The following KIF21A variants were observed in gnomAD, a reference collection of about 807,000 sequenced individuals.
KIF21A encodes the protein kinesin family member 21A, also known as kinesin-like protein KIF21A.
Under a neutral mutation model 202.9 loss-of-function variants are expected in KIF21A, and 114 were observed. That is an observed-to-expected ratio of 0.56 (90% CI 0.48 to 0.66). The LOEUF (loss-of-function observed/expected upper bound fraction) is 0.66, where lower values mean the gene tolerates loss of function less well. Ranked by LOEUF, KIF21A falls within the 30% of genes least tolerant of loss-of-function variation. The pLI, the probability that KIF21A is intolerant of heterozygous loss-of-function variation, is 0.00. For missense variants in KIF21A, 1,677 were observed against 1,994.9 expected, an observed-to-expected ratio of 0.84 and a Z score of 3.04; for synonymous variants, 667 against 670.8, an observed-to-expected ratio of 0.99 and a Z score of 0.09.
chr12:39,325,647 A>T (rs1217693907), intron 26 of KIF21A, among the ~76,000 whole-genome samples, 192 bp downstream of exon 26: 1 of 151,722 alleles, frequency 6.6e-6, no homozygotes, highest in Admixed American at 6.6e-5. Flanking sequence ...GGCCAGAGAA[A>T]TTTTTTAATA....
rs541958390 is a variant in KIF21A, at chr12:39,394,954, T to G, written c.45-24693A>C. Among the ~76,000 whole-genome samples, 18 of 152,334 alleles carry G rather than the reference T, an allele frequency of 1.2e-4. No individual in the cohort carries two copies. In the South Asian group the frequency reaches 3.5e-3, roughly 30 times the overall value. ...ACGAGAAATGCTAGTCTTCCTAGCC[T>G]TCTTCTCTCTTACCTATCTCACACC... On this transcript the variant is annotated intron_variant, in intron 1 of 37. Coordinates refer to ENST00000361418, the MANE Select transcript of KIF21A (RefSeq NM_001173464.2).
At chr12:39,380,776 A>C (rs975236170) in intron 1 of KIF21A, among the ~76,000 whole-genome samples, 2 of 152,222 alleles carry the variant, frequency 1.3e-5, no homozygotes, top group African/African-American at 4.8e-5. Context: ...AATTCAAGAA[A>C]GGAGGAGTAA....
intron 1 of KIF21A, among the ~76,000 whole-genome samples, chr12:39,396,972 T>C (rs1951801710): frequency 6.6e-6 from 1 of 152,150 alleles, no homozygotes. Flanking sequence ...AAATAAATAG[T>C]GTATGATTTT....
intron 7 of KIF21A, 141 bp downstream of exon 7, chr12:39,362,957 G>C (rs2139011821): frequency 1.7e-6 from 1 of 581,942 alleles, no homozygotes; most frequent in South Asian, 2.2e-5. Context: ...TCACACATTT[G>C]AGATCCTTAA....
intron 1 of KIF21A, among the ~76,000 whole-genome samples, chr12:39,405,533 T>TA (rs1952512663): frequency 6.6e-6 from 1 of 152,202 alleles, no homozygotes. Flanking sequence ...GTTGCCATCT[T>TA]ACAGTAAAAC....
chr12:39,367,540 G>A (rs1054182730), intron 4 of KIF21A, among the ~76,000 whole-genome samples: 1 of 152,156 alleles, frequency 6.6e-6, no homozygotes, highest in Non-Finnish European at 1.5e-5. Context: ...TAGGAGCCAT[G>A]ATACAGTTCT....
rs1199174596 is a variant in KIF21A, at chr12:39,358,171, A to T, written c.1215+7T>A. 1 of 1,613,286 alleles carries T rather than the reference A, an allele frequency of 6.2e-7. No individual in the cohort carries two copies. The highest frequency in any genetic ancestry group is 8.5e-7 in the Non-Finnish European group (1 of 1,179,304). ...CACAAAATGCAAAGTCAAACTCATT[A>T]GCTTACTGTTTTGTACTCCATGAGC... On this transcript the variant is annotated splice_region_variant and intron_variant, in intron 8 of 37. Coordinates refer to ENST00000361418, the MANE Select transcript of KIF21A (RefSeq NM_001173464.2).
Position 39,325,854 on chromosome 12 carries a change from C to G in KIF21A, c.3441G>C (p.Val1147=), listed in dbSNP as rs767354863. Reference sequence around the variant, plus strand: ...TTCTCCTTACCTTGTTCTTAGGTTTCACTTCACCACAAAGCTTCATGAGAT... The same window carrying G: ...TTCTCCTTACCTTGTTCTTAGGTTTGACTTCACCACAAAGCTTCATGAGAT... ...SSDLMKLCGE[V]KPKNKARRRT... is the part of the protein sequence containing the mutation. The change falls in exon 26 of 38, where the codon GTG becomes GTC. Residue 1147 remains valine (V), a synonymous_variant. Coordinates refer to ENST00000361418, the MANE Select transcript of KIF21A (RefSeq NM_001173464.2). 6.2e-7 allele frequency: 1 copy of G among 1,611,560 alleles called. No homozygotes were observed. Among genetic ancestry groups the G allele is most frequent in the South Asian group, 1.1e-5 (1 of 91,018 alleles).
chr12:39,389,085 TA>T (rs924584389), intron 1 of KIF21A, among the ~76,000 whole-genome samples: 48 of 151,320 alleles, frequency 3.2e-4, no homozygotes, highest in African/African-American at 1.0e-3. Flanking sequence ...TTCCTCTATT[TA>T]AAAAAAAACT....
intron 34 of KIF21A, among the ~76,000 whole-genome samples, chr12:39,306,132 G>A (rs1403313288): frequency 6.6e-6 from 1 of 152,096 alleles, no homozygotes; most frequent in Non-Finnish European, 1.5e-5. Context: ...CTGGAATAAA[G>A]ACATGTATCT....
intron 1 of KIF21A, among the ~76,000 whole-genome samples, chr12:39,378,485 C>T (rs1018678062): frequency 1.4e-4 from 21 of 152,150 alleles, no homozygotes; most frequent in Non-Finnish European, 7.4e-5. Flanking sequence ...GCCTTTCTCC[C>T]GGAAATAGAA....
In KIF21A at chr12:39,358,261, T is replaced by A. The variant is rs1948946798; in HGVS notation, c.1132A>T (p.Asn378Tyr). Residue 378 changes from asparagine (N) to tyrosine (Y), a missense_variant, in exon 8 of 38, where the codon AAT becomes TAT. By Grantham distance (143) the Asn-to-Tyr change is moderately radical. This residue lies in a region of KIF21A where 966 missense variants were observed against 1,180.9 expected (regional missense o/e 0.82). Coordinates refer to ENST00000361418, the MANE Select transcript of KIF21A (RefSeq NM_001173464.2). ...ATTTGCTGACTAGCTCTGTCCTGAT[T>A]GACCATCACCTTATTCTTGATATTT... is the stretch of plus-strand genomic sequence containing the variant. ...ARNIKNKVMV[N>Y]QDRASQQINA... The A allele has an allele frequency of 6.2e-7, 1 of 1,614,034 alleles. No homozygotes were observed. The highest frequency in any genetic ancestry group is 1.3e-5 in the African/African-American group (1 of 74,928).
intron 1 of KIF21A, among the ~76,000 whole-genome samples, chr12:39,380,906 C>T (rs1000533370): frequency 2.0e-5 from 3 of 152,096 alleles, no homozygotes; most frequent in East Asian, 1.9e-4. Context: ...CAATTATATA[C>T]AGAATTTTCA....
chr12:39,300,492 A>G (rs1318192765), intron 37 of KIF21A, among the ~76,000 whole-genome samples: 1 of 152,170 alleles, frequency 6.6e-6, no homozygotes, highest in East Asian at 1.9e-4. Flanking sequence ...AAATAAAGTA[A>G]AGGCTTCAAA....
chr12:39,354,648 CA>C (rs1242510645), intron 10 of KIF21A, among the ~76,000 whole-genome samples: 1 of 151,958 alleles, frequency 6.6e-6, no homozygotes, highest in African/African-American at 2.4e-5. Context: ...TGGCAATAAA[CA>C]AACATAAATT....
At chr12:39,383,186 CTTGAA>C (rs1023335165) in intron 1 of KIF21A, among the ~76,000 whole-genome samples, 4 of 152,182 alleles carry the variant, frequency 2.6e-5, no homozygotes, top group Non-Finnish European at 5.9e-5. Context: ...TAATCCTCTT[CTTGAA>C]TTGAAGGTCA....
At chr12:39,370,334 A>C (rs1949868737) in intron 1 of KIF21A, 73 bp from the exon 2 acceptor site, 1 of 1,154,214 alleles carries the variant, frequency 8.7e-7, no homozygotes, top group Admixed American at 1.9e-5. Context: ...ATAGGACTTA[A>C]AAACTCTTGG....
intron 11 of KIF21A, among the ~76,000 whole-genome samples, chr12:39,347,894 G>A (rs139977048): frequency 3.8e-4 from 57 of 151,860 alleles, no homozygotes; most frequent in Admixed American, 2.4e-3. Flanking sequence ...TGTGTGAATG[G>A]TAAATTTTCC....
At chr12:39,363,407 C>T (rs900192872) in intron 6 of KIF21A, among the ~76,000 whole-genome samples, 194 bp from the exon 7 acceptor site, 14 of 151,310 alleles carry the variant, frequency 9.3e-5, no homozygotes, top group Non-Finnish European at 1.5e-4. Context: ...TATATAATAC[C>T]GTATGTATAT....
Sources: gnomAD v4.1 joint callset for allele counts (sites outside exome capture counted in the v4.1 genomes callset) on GRCh38, gnomAD v4.1.1 for gene constraint, gnomAD v4.1.1 regional missense constraint, MANE v1.5 for transcripts, NCBI Gene and HGNC (gene_info 2026-07-23, HGNC 2026-07-21) for gene names.